The following LPA variants were observed in gnomAD, a reference collection of about 807,000 sequenced individuals.
The protein encoded by LPA is apolipoprotein(a).
A neutral mutation model predicts 197.9 loss-of-function variants in LPA; 199 were observed. The observed-to-expected ratio is 1.01, with a 90% CI of 0.90 to 1.13. The LOEUF (loss-of-function observed/expected upper bound fraction) is 1.13, where lower values mean the gene tolerates loss of function less well. LPA is among the 50% of genes most tolerant of loss of function. LPA has a pLI of 0.00. For missense variants in LPA, 1,853 were observed against 1,785.8 expected (o/e 1.04, Z -0.68); for synonymous variants, 715 against 639.5 (o/e 1.12, Z -1.78).
intron 28 of LPA, among the ~76,000 whole-genome samples, chr6:160,563,057 T>G (rs1177979206): frequency 6.6e-6 from 1 of 152,212 alleles, no homozygotes; most frequent in Non-Finnish European, 1.5e-5. Context: ...TTTTCGTGTC[T>G]TTATCCCCTT....
intron 24 of LPA, 91 bp downstream of exon 24, chr6:160,589,462 T>A: frequency 6.9e-7 from 1 of 1,455,380 alleles, no homozygotes; most frequent in Non-Finnish European, 9.6e-7. Flanking sequence ...TGAGAGAAAT[T>A]GGGTCATAAG....
chr6:160,594,852 T>C lies in LPA; in HGVS notation c.3469+502A>G, dbSNP rs772895857. 1.2e-3 allele frequency among the ~76,000 whole-genome samples: 186 copies of C among 152,092 alleles called. 1 individual carries two copies. The highest frequency in any genetic ancestry group is 1.9e-3 in the Non-Finnish European group (126 of 68,018). On this transcript the variant is annotated intron_variant, in intron 21 of 38. Coordinates refer to ENST00000316300, the MANE Select transcript of LPA (RefSeq NM_005577.4). Reference sequence around the variant, plus strand: ...GAGATAGGCCAGAACGATGGAGCATTTGTTGGCTATGTACTGCTACCTGGA... The same window carrying C: ...GAGATAGGCCAGAACGATGGAGCATCTGTTGGCTATGTACTGCTACCTGGA...
At chr6:160,539,912 C>T in intron 36 of LPA, 131 bp downstream of exon 36, 2 of 1,270,200 alleles carry the variant, frequency 1.6e-6, no homozygotes, top group East Asian at 2.4e-5. Context: ...ATGCTGTCCC[C>T]AAAGCCCTTG....
At chr6:160,578,857 T>C (rs549425939) in intron 26 of LPA, among the ~76,000 whole-genome samples, 153 bp from the exon 27 acceptor site, 17 of 152,346 alleles carry the variant, frequency 1.1e-4, no homozygotes, top group Non-Finnish European at 2.5e-4. Flanking sequence ...ACAAATGGTC[T>C]TCAGCTTCAA....
chr6:160,600,912 C>A lies in LPA; in HGVS notation c.3127+5G>T, dbSNP rs1183215842. ...AGCAGGTAAATGTCTGGCACAACTTCTTACCTTGTTCAAAAAAAGCCTCTA... is the reference window on the plus strand; with the variant it reads ...AGCAGGTAAATGTCTGGCACAACTTATTACCTTGTTCAAAAAAAGCCTCTA... On this transcript the variant is annotated splice_donor_5th_base_variant and intron_variant, in intron 19 of 38. Transcript: ENST00000316300. 1.2e-6 allele frequency: 2 copies of A among 1,612,120 alleles called. No individual in the cohort carries two copies. Among genetic ancestry groups the A allele is most frequent in the Non-Finnish European group, 1.7e-6 (2 of 1,179,950 alleles).
At chr6:160,543,924 T>C (rs1000847977) in intron 33 of LPA, among the ~76,000 whole-genome samples, 2 of 152,174 alleles carry the variant, frequency 1.3e-5, no homozygotes, top group African/African-American at 4.8e-5. Flanking sequence ...TTTCCAAGTG[T>C]CTGATGGGAA....
In LPA at chr6:160,531,514, A is replaced by G. The variant is rs1777805721; in HGVS notation, c.*215T>C. 1.7e-6 allele frequency: 1 copy of G among 605,286 alleles called. No homozygotes were observed. The allele number at this position is 605,286 out of a possible 1,614,324, so 37.5% of individuals were successfully genotyped here. A position where few individuals can be genotyped will look rare whatever the true frequency, so the allele number is the denominator to read the frequency against. On this transcript the variant is annotated 3_prime_UTR_variant, in exon 39 of 39. Transcript: ENST00000316300. ...CAAAATAAGTGCAGAGTTTATTTTT[A>G]ACAAATGTCATAGCTATGACACCTT...
At chr6:160,654,021 A>ATCT in intron 1 of LPA, among the ~76,000 whole-genome samples, 1 of 3,466 alleles carries the variant, frequency 2.9e-4, no homozygotes, top group Non-Finnish European at 9.0e-4. Context: ...ATTATATATA[A>ATCT]TATATAATAT....
intron 28 of LPA, among the ~76,000 whole-genome samples, chr6:160,569,803 C>A (rs953458151): frequency 2.0e-5 from 3 of 152,100 alleles, no homozygotes; most frequent in African/African-American, 7.2e-5. Flanking sequence ...AATCAAACAA[C>A]CCCATCAAAA....
intron 28 of LPA, among the ~76,000 whole-genome samples, chr6:160,565,219 G>T (rs938251450): frequency 1.3e-5 from 2 of 152,208 alleles, no homozygotes; most frequent in African/African-American, 4.8e-5. Context: ...TGGACAGACT[G>T]CCTCCTCAAG....
rs769567742 is a variant in LPA at position 160,595,361 on chromosome 6, A to G, written c.3462T>C (p.Ser1154=). 4.3e-6 allele frequency: 7 copies of G among 1,612,258 alleles called. No individual in the cohort carries two copies. In the East Asian group the frequency reaches 1.3e-4, roughly 31 times the overall value. The change falls in exon 21 of 39, where the codon TCT becomes TCC. Residue 1154 remains serine, a synonymous_variant. Transcript: ENST00000316300. ...VVPDPSTEAS[S]EEAPTEQSPG... is the part of the protein sequence containing the mutation. Reference sequence around the variant, plus strand: ...TGGCCATAGACTTCCTACCTTCTTCAGAAGAAGCCTCTGTGCTTGGATCTG... The same window carrying G: ...TGGCCATAGACTTCCTACCTTCTTCGGAAGAAGCCTCTGTGCTTGGATCTG...
chr6:160,663,535 G>GTGTA (rs1780260065), intron 1 of LPA, among the ~76,000 whole-genome samples: 2 of 152,202 alleles, frequency 1.3e-5, no homozygotes, highest in Admixed American at 1.3e-4. Context: ...GTGTGTATGT[G>GTGTA]TGTATGTATG....
At chr6:160,607,966 T>TA (rs1219123405) in intron 16 of LPA, among the ~76,000 whole-genome samples, 1 of 152,158 alleles carries the variant, frequency 6.6e-6, no homozygotes, top group Admixed American at 6.5e-5. Context: ...GTGCATGAGG[T>TA]AAGAAACTTA....
intron 30 of LPA, among the ~76,000 whole-genome samples, chr6:160,550,699 T>C (rs1778153977): frequency 6.6e-6 from 1 of 152,210 alleles, no homozygotes; most frequent in South Asian, 2.1e-4. Context: ...GCTACTCTCT[T>C]CCCATGGCCA....
intron 26 of LPA, among the ~76,000 whole-genome samples, 153 bp downstream of exon 26, chr6:160,584,893 C>T (rs1283989642): frequency 6.6e-6 from 1 of 152,138 alleles, no homozygotes; most frequent in Non-Finnish European, 1.5e-5. Flanking sequence ...TTCATTCAGA[C>T]CTTTTGCTCA....
intron 30 of LPA, among the ~76,000 whole-genome samples, chr6:160,549,256 G>C (rs1315785152): frequency 1.3e-5 from 2 of 152,128 alleles, no homozygotes; most frequent in African/African-American, 4.8e-5. Context: ...ATTTTGGGTG[G>C]GGACATAGCC....
chr6:160,661,682 C>T (rs1780229600), intron 1 of LPA, among the ~76,000 whole-genome samples: 1 of 152,234 alleles, frequency 6.6e-6, no homozygotes, highest in South Asian at 2.1e-4. Context: ...GCATTCTGAA[C>T]CTAATCCACT....
intron 29 of LPA, 55 bp from the exon 30 acceptor site, chr6:160,556,239 G>T (rs1420686777): frequency 6.4e-7 from 1 of 1,551,798 alleles, no homozygotes; most frequent in African/African-American, 1.4e-5. Context: ...AACATGTGAA[G>T]CAATTTATGA....
At chr6:160,545,139 G>T (rs1778044795) in intron 33 of LPA, among the ~76,000 whole-genome samples, 1 of 152,004 alleles carries the variant, frequency 6.6e-6, no homozygotes, top group African/African-American at 2.4e-5. Flanking sequence ...GCTAGACAAA[G>T]AAGGGTTCGG....
Sources: allele counts gnomAD v4.1 joint callset (sites outside exome capture counted in the v4.1 genomes callset), GRCh38; gene constraint gnomAD v4.1.1; transcripts MANE v1.5; gene names NCBI Gene and HGNC (gene_info 2026-07-23, HGNC 2026-07-21).